PTPRS: variants seen among roughly 807,000 people sequenced by gnomAD.
PTPRS encodes protein tyrosine phosphatase receptor type S.
In PTPRS, 63 loss-of-function variants were observed where a neutral mutation model predicts 215.3. The observed-to-expected ratio is 0.29, with a 90% CI of 0.24 to 0.36. PTPRS has a LOEUF of 0.36. PTPRS is among the 10% of genes least tolerant of loss of function. The probability of loss-of-function intolerance (pLI) is 1.00; values close to 1 mark genes in which losing one functional copy is unlikely to be tolerated. For missense variants in PTPRS, 2,258 were observed against 2,825.8 expected, an observed-to-expected ratio of 0.80 and a Z score of 4.56; for synonymous variants, 1,404 against 1,191.4, an observed-to-expected ratio of 1.18 and a Z score of -3.68.
chr19:5,263,650 C>T (rs1020543805), intron 5 of PTPRS, among the ~76,000 whole-genome samples: 8 of 152,236 alleles, frequency 5.3e-5, no homozygotes, highest in African/African-American at 1.7e-4. Flanking sequence ...CAGACAAACA[C>T]GCATGTGCAG....
At chr19:5,289,747 T>A (rs1599998103) in intron 1 of PTPRS, among the ~76,000 whole-genome samples, 2 of 152,066 alleles carry the variant, frequency 1.3e-5, no homozygotes, top group African/African-American at 4.8e-5. Flanking sequence ...GGGGCAAGGG[T>A]GTCTCTGCAC....
At position 5,293,476 on chromosome 19, in the gene PTPRS, G is replaced by A. The variant is rs1489291468; in HGVS notation, c.-94-7242C>T. Among the ~76,000 whole-genome samples, 2 of 152,050 alleles carry A rather than the reference G, an allele frequency of 1.3e-5. No homozygotes were observed. Among genetic ancestry groups the A allele is most frequent in the Non-Finnish European group, 2.9e-5 (2 of 67,982 alleles). On this transcript the variant is annotated intron_variant, in intron 1 of 37. Transcript: ENST00000262963. The surrounding 1 kb of genome is among the most constrained non-coding windows in gnomAD (Gnocchi z 8.4). ...TCCATGAAACACTGAGCGAAGGGGC[G>A]CCCCAGGGAGGGCACGACCCAAGAC...
At chr19:5,291,313 C>A (rs1441530677) in intron 1 of PTPRS, among the ~76,000 whole-genome samples, 1 of 151,974 alleles carries the variant, frequency 6.6e-6, no homozygotes, top group Non-Finnish European at 1.5e-5. Context: ...ATTAGGAAAC[C>A]GAGGCTCACC....
chr19:5,310,412 C>T (rs1039568121), intron 1 of PTPRS, among the ~76,000 whole-genome samples: 11 of 150,762 alleles, frequency 7.3e-5, no homozygotes, highest in Non-Finnish European at 1.0e-4. Flanking sequence ...CCGCTTCCCC[C>T]GTTCAAGCAA....
chr19:5,222,376 G>A (rs552181264), intron 18 of PTPRS, among the ~76,000 whole-genome samples, 156 bp from the exon 19 acceptor site: 28 of 151,838 alleles, frequency 1.8e-4, no homozygotes, highest in East Asian at 3.9e-4. Context: ...GCCCTGGCCC[G>A]GCCCTGCCCT....
At chr19:5,281,078 C>G (rs577538555) in intron 2 of PTPRS, among the ~76,000 whole-genome samples, 2 of 151,594 alleles carry the variant, frequency 1.3e-5, no homozygotes, top group Non-Finnish European at 2.9e-5. Flanking sequence ...AGGTATGAGG[C>G]GCCGCGCCTG....
intron 1 of PTPRS, among the ~76,000 whole-genome samples, chr19:5,318,015 C>CA (rs1240351771): frequency 5.3e-5 from 8 of 152,012 alleles, no homozygotes; most frequent in Non-Finnish European, 8.8e-5. Context: ...ACTAAAAATA[C>CA]AAAAAATTAG....
intron 32 of PTPRS, 76 bp from the exon 33 acceptor site, chr19:5,211,844 A>C: frequency 1.9e-6 from 3 of 1,583,464 alleles, no homozygotes; most frequent in Non-Finnish European, 1.7e-6. Flanking sequence ...CCAATGGTGG[A>C]TAGGTAGGTA....
chr19:5,323,418 G>C (rs555651857), intron 1 of PTPRS, among the ~76,000 whole-genome samples: 5 of 152,362 alleles, frequency 3.3e-5, no homozygotes, highest in African/African-American at 1.2e-4. Context: ...GAGTCAAAGA[G>C]AGCAGAAGGG....
chr19:5,246,720 A>G (rs1047117589), intron 9 of PTPRS, among the ~76,000 whole-genome samples: 12 of 152,172 alleles, frequency 7.9e-5, no homozygotes, highest in Admixed American at 2.0e-4. Context: ...GGCCCTGCCC[A>G]CTTACCCGCC....
intron 9 of PTPRS, among the ~76,000 whole-genome samples, chr19:5,255,857 G>A (rs1028252550): frequency 1.1e-4 from 17 of 152,252 alleles, no homozygotes; most frequent in Non-Finnish European, 2.2e-4. Context: ...GCCCTAGGCC[G>A]GGCTGGGCGC....
At chr19:5,332,343 G>C (rs1401185637) in intron 1 of PTPRS, among the ~76,000 whole-genome samples, 2 of 152,130 alleles carry the variant, frequency 1.3e-5, no homozygotes, top group East Asian at 3.8e-4. Flanking sequence ...GGCCAGGCTG[G>C]TCTCAAACTT....
intron 37 of PTPRS, 72 bp downstream of exon 37, chr19:5,207,850 A>G (rs2040504751): frequency 3.2e-6 from 5 of 1,577,532 alleles, no homozygotes; most frequent in Non-Finnish European, 4.3e-6. Context: ...CATCTCACAG[A>G]GGAGGAAACT....
intron 1 of PTPRS, among the ~76,000 whole-genome samples, chr19:5,296,600 A>G (rs899963416): frequency 1.3e-5 from 2 of 152,102 alleles, no homozygotes; most frequent in Non-Finnish European, 2.9e-5. Flanking sequence ...AGAGGATTCC[A>G]GGCAGAGAGC....
chr19:5,265,572 C>A (rs140914019), intron 4 of PTPRS, among the ~76,000 whole-genome samples: 1 of 152,090 alleles, frequency 6.6e-6, no homozygotes, highest in Non-Finnish European at 1.5e-5. Context: ...AAACTCCTGG[C>A]CCCAAGCAAT....
Position 5,339,052 on chromosome 19 carries a change from G to C in PTPRS, c.-95+1612C>G, listed in dbSNP as rs1009118527. Among the ~76,000 whole-genome samples, 2 of 152,178 alleles carry C rather than the reference G, an allele frequency of 1.3e-5. No individual in the cohort carries two copies. Among genetic ancestry groups the C allele is most frequent in the Non-Finnish European group, 2.9e-5 (2 of 68,036 alleles). On this transcript the variant is annotated intron_variant, in intron 1 of 37. Transcript: ENST00000262963. This position sits in a 1 kb window ranked among gnomAD's most constrained non-coding sequence, Gnocchi z 4.2. ...TCTTCCTGCCTCCTCCGGCTTCTAG[G>C]TATCATCCCTGCTGCTCAGCCGGGA...
In PTPRS at chr19:5,287,106, GT is replaced by G. The variant is rs1418851161; in HGVS notation, c.-94-873del. ...GGAAGCCACTCTTGCTGACTTCACTGTTTCCTCTCGCTTGGAGGTACAGCCA... is the reference window on the plus strand; with the variant it reads ...GGAAGCCACTCTTGCTGACTTCACTGTTCCTCTCGCTTGGAGGTACAGCCA... On this transcript the variant is annotated intron_variant, in intron 1 of 37. Transcript: ENST00000262963. The surrounding 1 kb of genome is among the most constrained non-coding windows in gnomAD (Gnocchi z 4.8). Among the ~76,000 whole-genome samples the G allele has an allele frequency of 1.3e-5, 2 of 152,146 alleles. No homozygotes were observed. Among genetic ancestry groups the G allele is most frequent in the African/African-American group, 2.4e-5 (1 of 41,424 alleles).
chr19:5,266,013 A>G (rs2146401352), intron 4 of PTPRS, among the ~76,000 whole-genome samples: 1 of 152,228 alleles, frequency 6.6e-6, no homozygotes, highest in East Asian at 1.9e-4. Flanking sequence ...TAATCCCAGC[A>G]CTTTGGGAGG....
At chr19:5,306,399 C>A (rs1307587022) in intron 1 of PTPRS, among the ~76,000 whole-genome samples, 5 of 152,098 alleles carry the variant, frequency 3.3e-5, no homozygotes, top group African/African-American at 1.2e-4. Context: ...CTGGCCTCGG[C>A]CTCCCAAAGT....
Sources: allele counts gnomAD v4.1 joint callset (sites outside exome capture counted in the v4.1 genomes callset), GRCh38; gene constraint gnomAD v4.1.1; non-coding constraint Gnocchi (gnomAD v3.1); transcripts MANE v1.5; gene names NCBI Gene and HGNC (gene_info 2026-07-23, HGNC 2026-07-21).